MCM8: variants seen among roughly 807,000 people sequenced by gnomAD.
MCM8 encodes the protein minichromosome maintenance 8 homologous recombination repair factor.
In MCM8, 85 loss-of-function variants were observed where a neutral mutation model predicts 98.9. The observed-to-expected ratio is 0.86, with a 90% CI of 0.72 to 1.03. The LOEUF (loss-of-function observed/expected upper bound fraction) is 1.03, where lower values mean the gene tolerates loss of function less well. Among genes scored for constraint, MCM8 ranks in the 50% least tolerant of loss-of-function variants. MCM8 has a pLI of 0.00. For synonymous variants in MCM8, 352 were observed against 338.6 expected, an observed-to-expected ratio of 1.04 and a Z score of -0.44; for missense variants, 951 against 997.8, an observed-to-expected ratio of 0.95 and a Z score of 0.63.
chr20:5,973,268 T>G, intron 12 of MCM8, 72 bp downstream of exon 12: 1 of 1,580,820 alleles, frequency 6.3e-7, no homozygotes. Context: ...GTGAATTTTC[T>G]CAAAGCATGT....
intron 10 of MCM8, among the ~76,000 whole-genome samples, chr20:5,970,008 C>T (rs1242861093): frequency 2.0e-5 from 3 of 152,236 alleles, no homozygotes; most frequent in South Asian, 2.1e-4. Flanking sequence ...GCTTTTTCCC[C>T]CTCCATGTTT....
intron 6 of MCM8, among the ~76,000 whole-genome samples, 197 bp downstream of exon 6, chr20:5,957,426 G>A (rs2089016463): frequency 6.6e-6 from 1 of 152,116 alleles, no homozygotes; most frequent in South Asian, 2.1e-4. Context: ...CCTAAATAAG[G>A]AAGAAAATGT....
Position 5,984,820 on chromosome 20 carries a change from T to C in MCM8, c.1773T>C (p.Phe591=), listed in dbSNP as rs376855809. Residue 591 remains phenylalanine (F), a synonymous_variant, in exon 15 of 19, where the codon TTT becomes TTC. Transcript: ENST00000610722. ...TACTATCCAGATTTGATTTGGTCTT[T>C]ATCCTGTTAGATACTCCAAATGAGC... is the stretch of plus-strand genomic sequence containing the variant. ...SALLSRFDLV[F]ILLDTPNEHH... is the part of the protein sequence containing the mutation. 15 of 1,614,100 alleles carry C rather than the reference T, an allele frequency of 9.3e-6. No homozygotes were observed. Among genetic ancestry groups the C allele is most frequent in the Non-Finnish European group, 1.3e-5 (15 of 1,179,956 alleles).
chr20:5,992,970 C>T (rs1405706500), intron 17 of MCM8, among the ~76,000 whole-genome samples: 1 of 152,104 alleles, frequency 6.6e-6, no homozygotes, highest in Non-Finnish European at 1.5e-5. Flanking sequence ...GTACTTCTTT[C>T]CTTGGTGATA....
Position 5,958,574 on chromosome 20 carries a change from A to G in MCM8, c.637A>G (p.Asn213Asp), listed in dbSNP as rs749145152. The G allele has an allele frequency of 1.1e-5, 18 of 1,614,138 alleles. No individual in the cohort carries two copies. Among genetic ancestry groups the G allele is most frequent in the Admixed American group, 8.3e-5 (5 of 60,024 alleles). ...GACACAGCTCAAGAATGTCAGAGCA[A>G]ATTACTATGGAAAATACATTGCTCT... is the stretch of plus-strand genomic sequence containing the variant. Reference protein sequence around the residue: ...PLTQLKNVRANYYGKYIALRG... With the variant: ...PLTQLKNVRADYYGKYIALRG... Residue 213 changes from asparagine (N) to aspartate (D), a missense_variant, in exon 7 of 19, where the codon AAT becomes GAT. By Grantham distance (23) the Asn-to-Asp change is conservative. Coordinates refer to ENST00000610722, the MANE Select transcript of MCM8 (RefSeq NM_032485.6).
chr20:5,989,433 T>C (rs1351717418), intron 17 of MCM8, among the ~76,000 whole-genome samples: 2 of 152,082 alleles, frequency 1.3e-5, no homozygotes, highest in South Asian at 2.1e-4. Context: ...GTAAGTTTTG[T>C]TGATACTCAG....
Position 5,958,525 on chromosome 20 carries a change from T to C in MCM8, c.591-3T>C, listed in dbSNP as rs780969582. On this transcript the variant is annotated splice_polypyrimidine_tract_variant and splice_region_variant and intron_variant, in intron 6 of 18. Transcript: ENST00000610722. Reference sequence around the variant, plus strand: ...TGTTCATTACTTCCTGTTTTGTCTTTAGGGTGTACAACTATGAGCCTTTGA... The same window carrying C: ...TGTTCATTACTTCCTGTTTTGTCTTCAGGGTGTACAACTATGAGCCTTTGA... The C allele has an allele frequency of 1.9e-6, 3 of 1,612,048 alleles. No homozygotes were observed. The highest frequency in any genetic ancestry group is 2.7e-5 in the African/African-American group (2 of 74,862).
intron 2 of MCM8, 76 bp downstream of exon 2, chr20:5,952,239 C>G: frequency 6.3e-7 from 1 of 1,580,128 alleles, no homozygotes; most frequent in East Asian, 2.2e-5. Context: ...GGCGGTTTAT[C>G]TCATACTTCA....
rs1474302216 is a variant in MCM8, at chr20:5,997,465, G to A, written c.*3074G>A. ...AAAAGTGCCGGGATTACAGGCGTGA[G>A]CCATTGTGCCCAGCCAAAAGTTTCT... On this transcript the variant is annotated 3_prime_UTR_variant, in exon 19 of 19. Transcript: ENST00000610722. 6.6e-6 allele frequency: 1 copy of A among 152,376 alleles called. No individual in the cohort carries two copies. The highest frequency in any genetic ancestry group is 6.5e-5 in the Admixed American group (1 of 15,284). The allele number at this position is 152,376 out of a possible 1,614,324, so 9.4% of individuals were successfully genotyped here.
Position 5,995,354 on chromosome 20 carries a change from G to C in MCM8, c.*963G>C, listed in dbSNP as rs2089941825. 1 of 152,228 alleles carries C rather than the reference G, an allele frequency of 6.6e-6. No individual in the cohort carries two copies. Among genetic ancestry groups the C allele is most frequent in the Non-Finnish European group, 1.5e-5 (1 of 68,072 alleles). 9.4% of individuals were successfully genotyped at this position (152,228 alleles called of 1,614,324 possible). On this transcript the variant is annotated 3_prime_UTR_variant, in exon 19 of 19. Transcript: ENST00000610722. ...TTATTAGAAGGCAGGTGAACCAGGA[G>C]GGTAAGCTTCCAGCAGCAATTTGTA... is the stretch of plus-strand genomic sequence containing the variant.
rs532103526 is a variant in MCM8 at position 5,951,922 on chromosome 20, A to T, written c.-5-89A>T. 4.2e-5 allele frequency: 60 copies of T among 1,415,440 alleles called. No homozygotes were observed. In the East Asian group the frequency reaches 1.4e-3, roughly 34 times the overall value. 87.7% of individuals were successfully genotyped at this position (1,415,440 alleles called of 1,614,324 possible). ...TTTGCTACTCTTGAACCTAGAATACATTAATTTTTCCCTTTTTATTAATAC... is the reference window on the plus strand; with the variant it reads ...TTTGCTACTCTTGAACCTAGAATACTTTAATTTTTCCCTTTTTATTAATAC... On this transcript the variant is annotated intron_variant, in intron 1 of 18. Coordinates refer to ENST00000610722, the MANE Select transcript of MCM8 (RefSeq NM_032485.6).
At chr20:5,963,474 A>T in intron 8 of MCM8, 115 bp downstream of exon 8, 1 of 572,570 alleles carries the variant, frequency 1.7e-6, no homozygotes, top group Non-Finnish European at 3.1e-6. Context: ...AGTGTATAAT[A>T]GTGTATAATA....
intron 10 of MCM8, among the ~76,000 whole-genome samples, chr20:5,968,745 A>G (rs976161728): frequency 6.6e-6 from 1 of 152,246 alleles, no homozygotes; most frequent in African/African-American, 2.4e-5. Flanking sequence ...AGTTTAAACA[A>G]TACAGAATAT....
chr20:5,994,829 A>G lies in MCM8; in HGVS notation c.*438A>G. ...GAGGCTGAGGCAGGAGGATTCTTTGAGCCCAGGAGTTTGAGGTTACAGTGA... is the reference window on the plus strand; with the variant it reads ...GAGGCTGAGGCAGGAGGATTCTTTGGGCCCAGGAGTTTGAGGTTACAGTGA... On this transcript the variant is annotated 3_prime_UTR_variant, in exon 19 of 19. Transcript: ENST00000610722. 2.4e-6 allele frequency: 1 copy of G among 408,588 alleles called. No homozygotes were observed. The highest frequency in any genetic ancestry group is 1.8e-5 in the South Asian group (1 of 55,418). 25.3% of individuals were successfully genotyped at this position (408,588 alleles called of 1,614,324 possible).
At chr20:5,957,872 A>G (rs1303604492) in intron 6 of MCM8, among the ~76,000 whole-genome samples, 1 of 152,206 alleles carries the variant, frequency 6.6e-6, no homozygotes, top group African/African-American at 2.4e-5. Context: ...TTATAAGGTA[A>G]TCATCAGCAT....
chr20:5,968,311 G>A (rs1054373157), intron 10 of MCM8, among the ~76,000 whole-genome samples: 4 of 152,194 alleles, frequency 2.6e-5, no homozygotes, highest in East Asian at 3.9e-4. Context: ...TTGGGAGGCC[G>A]AGGCAGGCGG....
At chr20:5,972,458 T>C (rs1057374548) in intron 11 of MCM8, 2 of 256,898 alleles carry the variant, frequency 7.8e-6, no homozygotes, top group Admixed American at 5.2e-5. Flanking sequence ...TCCACCCAAT[T>C]TAGCCTCCAA....
At position 5,963,771 on chromosome 20, in the gene MCM8, C is replaced by T. The variant is rs985771396; in HGVS notation, c.875+412C>T. Among the ~76,000 whole-genome samples, 3 of 152,024 alleles carry T rather than the reference C, an allele frequency of 2.0e-5. 1 individual carries two copies. The highest frequency in any genetic ancestry group is 4.2e-4 in the South Asian group (2 of 4,810). ...CAGGATGGTCTTGATTTCCTGACCT[C>T]GTGATCTGCCCGCCTCAGCCTCCCA... is the stretch of plus-strand genomic sequence containing the variant. On this transcript the variant is annotated intron_variant, in intron 8 of 18. Transcript: ENST00000610722.
At position 5,977,885 on chromosome 20, in the gene MCM8, A is replaced by G; in HGVS notation, c.1405A>G (p.Asn469Asp). Reference sequence around the variant, plus strand: ...CTTTTTGTTTCCTTAGGCAGCGTGCAATGTTGCCCCACGTGGCGTGTATGT... The same window carrying G: ...CTTTTTGTTTCCTTAGGCAGCGTGCGATGTTGCCCCACGTGGCGTGTATGT... ...GKSQMLQAAC[N>D]VAPRGVYVCG... The change falls in exon 13 of 19, where the codon AAT becomes GAT. Residue 469 changes from asparagine to aspartate, a missense_variant. Asn to Asp is a conservative substitution (Grantham distance 23, BLOSUM62 1). Coordinates refer to ENST00000610722, the MANE Select transcript of MCM8 (RefSeq NM_032485.6). 6.2e-7 allele frequency: 1 copy of G among 1,614,132 alleles called. No homozygotes were observed. The highest frequency in any genetic ancestry group is 8.5e-7 in the Non-Finnish European group (1 of 1,179,990).
Sources: allele counts gnomAD v4.1 joint callset (sites outside exome capture counted in the v4.1 genomes callset), GRCh38; gene constraint gnomAD v4.1.1; transcripts MANE v1.5; gene names NCBI Gene and HGNC (gene_info 2026-07-23, HGNC 2026-07-21).